Variants in TMC4 observed in about 807,000 individuals in gnomAD.
The protein encoded by TMC4 is voltage-gated chloride channel TMC4.
A neutral mutation model predicts 82.0 loss-of-function variants in TMC4; 70 were observed. The ratio of observed to expected loss-of-function variants is 0.85; its 90% CI spans 0.70 to 1.04. The LOEUF is 1.04. Among genes scored for constraint, TMC4 ranks in the 50% least tolerant of loss-of-function variants. TMC4 has a pLI of 0.00. For synonymous variants in TMC4, 446 were observed against 406.0 expected (o/e 1.10, Z -1.18); for missense variants, 879 against 899.0 (o/e 0.98, Z 0.28).
At chr19:54,171,779 G>T in intron 2 of TMC4, 91 bp downstream of exon 2, 2 of 1,206,642 alleles carry the variant, frequency 1.7e-6, no homozygotes, top group South Asian at 3.1e-5. Context: ...AGCCAGGAGC[G>T]GCAGAGGACA....
In TMC4 at chr19:54,160,461, G is replaced by A. The variant is rs754735949; in HGVS notation, c.2052+6C>T. 1 of 1,613,342 alleles carries A rather than the reference G, an allele frequency of 6.2e-7. No homozygotes were observed. Among genetic ancestry groups the A allele is most frequent in the Non-Finnish European group, 8.5e-7 (1 of 1,179,436 alleles). ...AGGGGCCCTCTCAGGGACCCGCCTG[G>A]CTCACCGTCTCTCTCTGACGTTTGA... On this transcript the variant is annotated splice_donor_region_variant and intron_variant, in intron 14 of 14. Transcript: ENST00000619895.
At chr19:54,165,070 CTT>C (rs34861271) in intron 6 of TMC4, among the ~76,000 whole-genome samples, 19 of 135,980 alleles carry the variant, frequency 1.4e-4, no homozygotes, top group Admixed American at 2.2e-4. Flanking sequence ...AAAAAACAAA[CTT>C]TTTTTTTTTT....
intron 5 of TMC4, among the ~76,000 whole-genome samples, chr19:54,166,103 G>A (rs558409809): frequency 6.6e-6 from 1 of 151,738 alleles, no homozygotes; most frequent in African/African-American, 2.4e-5. Flanking sequence ...GGCAGGCCAG[G>A]CGCCATGGCT....
chr19:54,168,097 G>A, intron 5 of TMC4, 74 bp downstream of exon 5: 1 of 1,480,988 alleles, frequency 6.8e-7, no homozygotes, highest in African/African-American at 1.4e-5. Context: ...TTGGGGAGGG[G>A]GTTTCTGCCA....
chr19:54,161,291 C>T (rs1167596144), intron 11 of TMC4, 31 bp from the exon 12 acceptor site: 4 of 1,462,214 alleles, frequency 2.7e-6, no homozygotes, highest in Non-Finnish European at 3.6e-6. Context: ...GAAAAGGGCT[C>T]TGAAACACAA....
At chr19:54,162,462 A>G (rs1002376684) in intron 10 of TMC4, among the ~76,000 whole-genome samples, 177 bp from the exon 11 acceptor site, 1 of 150,570 alleles carries the variant, frequency 6.6e-6, no homozygotes, top group African/African-American at 2.4e-5. Context: ...CCTGAGGACT[A>G]GAAGGGACCC....
Position 54,165,446 on chromosome 19 carries a change from G to C in TMC4, c.918C>G (p.Arg306=). The change falls in exon 6 of 15, where the codon CGC becomes CGG. Residue 306 remains arginine, a synonymous_variant. Transcript: ENST00000619895. The part of the protein sequence containing the change: ...GLCGDVHVRL[R]QRIILYELKV... ...TTAATTCGTACAAGATGATGCGCTG[G>C]CGCAGCCGCACGTGGACGTCCCCGC... 1 of 1,609,848 alleles carries C rather than the reference G, an allele frequency of 6.2e-7. No homozygotes were observed. Among genetic ancestry groups the C allele is most frequent in the Non-Finnish European group, 8.5e-7 (1 of 1,177,006 alleles).
At chr19:54,167,553 T>C (rs1600574581) in intron 5 of TMC4, among the ~76,000 whole-genome samples, 1 of 150,794 alleles carries the variant, frequency 6.6e-6, no homozygotes, top group East Asian at 2.0e-4. Context: ...AGTAAGACTC[T>C]GTCTCAAAAA....
At position 54,161,196 on chromosome 19, in the gene TMC4, AAG is replaced by A; in HGVS notation, c.1749_1750del (p.Phe585ProfsTer26). 6.3e-7 allele frequency: 1 copy of A among 1,594,130 alleles called. No individual in the cohort carries two copies. Among genetic ancestry groups the A allele is most frequent in the Non-Finnish European group, 8.5e-7 (1 of 1,171,418 alleles). On this transcript the variant is annotated frameshift_variant, in exon 12 of 15. Transcript: ENST00000619895. LOFTEE classifies it high-confidence loss of function. Reference sequence around the variant, plus strand: ...ACCCAGGAGAAGGACCAAGGGGAAAAAGAAATTCGCCGCGGAGGCCCGGAAGG... The same window carrying A: ...ACCCAGGAGAAGGACCAAGGGGAAAAAAATTCGCCGCGGAGGCCCGGAAGG...
Position 54,162,488 on chromosome 19 carries a change from C to G in TMC4, c.1502+185G>C, listed in dbSNP as rs189347019. 8.4e-3 allele frequency among the ~76,000 whole-genome samples: 1,265 copies of G among 150,810 alleles called. 16 individuals carry two copies. Among genetic ancestry groups the G allele is most frequent in the African/African-American group, 0.029 (1,174 of 41,024 alleles). On this transcript the variant is annotated intron_variant, in intron 10 of 14. Coordinates refer to ENST00000619895, the MANE Select transcript of TMC4 (RefSeq NM_144686.4). ...GAAGGGACCCAGATGTCGCCGCCGT[C>G]GGGGCCAGAGGGAAGTAACCCACTA...
chr19:54,160,501 C>A lies in TMC4; in HGVS notation c.2018G>T (p.Arg673Leu). ...YTVALANSYGRLISELKRQRE... is the reference protein window; with the variant it reads ...YTVALANSYGLLISELKRQRE... ...CTGACGTTTGAGCTCAGAGATGAGGCGTCCGTAGGAGTTAGCCAGAGCCAC... is the reference window on the plus strand; with the variant it reads ...CTGACGTTTGAGCTCAGAGATGAGGAGTCCGTAGGAGTTAGCCAGAGCCAC... Residue 673 changes from arginine (R) to leucine (L), a missense_variant, in exon 14 of 15, where the codon CGC becomes CTC. Coordinates refer to ENST00000619895, the MANE Select transcript of TMC4 (RefSeq NM_144686.4). 1 of 1,614,144 alleles carries A rather than the reference C, an allele frequency of 6.2e-7. No individual in the cohort carries two copies. The highest frequency in any genetic ancestry group is 8.5e-7 in the Non-Finnish European group (1 of 1,180,004).
chr19:54,161,316 ATTT>A (rs765095573), intron 11 of TMC4, 56 bp from the exon 12 acceptor site: 18,633 of 1,078,890 alleles, frequency 0.017, no homozygotes, highest in East Asian at 0.049. Flanking sequence ...CTGTGCCTCC[ATTT>A]TTTTTTTTTT....
intron 8 of TMC4, 121 bp from the exon 9 acceptor site, chr19:54,163,280 G>C (rs1300420556): frequency 6.7e-6 from 7 of 1,052,052 alleles, no homozygotes. Flanking sequence ...CCCAGTGACA[G>C]AATCAGGATT....
rs2075544892 is a variant in TMC4 at position 54,161,278 on chromosome 19, G to A, written c.1687-18C>T. 2 of 1,498,616 alleles carry A rather than the reference G, an allele frequency of 1.3e-6. No individual in the cohort carries two copies. The highest frequency in any genetic ancestry group is 1.8e-6 in the Non-Finnish European group (2 of 1,124,240). 92.8% of individuals were successfully genotyped at this position (1,498,616 alleles called of 1,614,324 possible). On this transcript the variant is annotated intron_variant, in intron 11 of 14. Coordinates refer to ENST00000619895, the MANE Select transcript of TMC4 (RefSeq NM_144686.4). ...AGGGTAAGCTGGTGGGGGAAGGCACGGAGAAAAGGGCTCTGAAACACAAGA... is the reference window on the plus strand; with the variant it reads ...AGGGTAAGCTGGTGGGGGAAGGCACAGAGAAAAGGGCTCTGAAACACAAGA...
chr19:54,172,456 C>T (rs550986335), intron 1 of TMC4, among the ~76,000 whole-genome samples: 3 of 115,832 alleles, frequency 2.6e-5, no homozygotes, highest in African/African-American at 9.9e-5. Flanking sequence ...GGAGTCCAGG[C>T]CCCCGGCTCC....
chr19:54,161,646 C>A (rs879533897), intron 11 of TMC4, among the ~76,000 whole-genome samples: 5 of 152,212 alleles, frequency 3.3e-5, no homozygotes, highest in Non-Finnish European at 7.4e-5. Context: ...TCAAGCAATT[C>A]CCCTGCCTCA....
At chr19:54,172,616 C>A in intron 1 of TMC4, 1 of 291,968 alleles carries the variant, frequency 3.4e-6, no homozygotes, top group Non-Finnish European at 6.2e-6. Context: ...CCAGCCCCTC[C>A]TCCCTCAGGC....
chr19:54,167,953 C>T (rs1288762997), intron 5 of TMC4, among the ~76,000 whole-genome samples: 2 of 151,080 alleles, frequency 1.3e-5, no homozygotes, highest in African/African-American at 2.4e-5. Flanking sequence ...ATCCCAGCAA[C>T]TTGGGAGGCT....
In TMC4 at chr19:54,163,884, T is replaced by C. The variant is rs1409745143; in HGVS notation, c.1117A>G (p.Met373Val). The C allele has an allele frequency of 3.1e-6, 5 of 1,613,796 alleles. No individual in the cohort carries two copies. Among genetic ancestry groups the C allele is most frequent in the Non-Finnish European group, 4.2e-6 (5 of 1,179,960 alleles). The change falls in exon 8 of 15, where the codon ATG becomes GTG. Residue 373 changes from methionine to valine, a missense_variant. By Grantham distance (21) the Met-to-Val change is conservative. Coordinates refer to ENST00000619895, the MANE Select transcript of TMC4 (RefSeq NM_144686.4). Reference protein sequence around the residue: ...ATGCTVELQEMPLVQELPLLK... With the variant: ...ATGCTVELQEVPLVQELPLLK... ...AGTGGCAACTCCTGGACAAGGGGCA[T>C]CTCCTGGGAGCGGGATGGACCATGA...
Sources: allele counts gnomAD v4.1 joint callset (sites outside exome capture counted in the v4.1 genomes callset), GRCh38; gene constraint gnomAD v4.1.1; transcripts MANE v1.5; gene names NCBI Gene and HGNC (gene_info 2026-07-23, HGNC 2026-07-21).